TRABD2A: variants seen among roughly 807,000 people sequenced by gnomAD.
TRABD2A encodes TraB domain containing 2A.
TRABD2A carries 43 observed loss-of-function variants against 45.6 expected under a neutral mutation model. The observed-to-expected ratio is 0.94, with a 90% CI of 0.74 to 1.22. The LOEUF (loss-of-function observed/expected upper bound fraction) is 1.22, where lower values mean the gene tolerates loss of function less well. TRABD2A is among the 50% of genes most tolerant of loss of function. The pLI, the probability that TRABD2A is intolerant of heterozygous loss-of-function variation, is 0.00. For missense variants in TRABD2A, 642 were observed against 652.4 expected, an observed-to-expected ratio of 0.98 and a Z score of 0.17; for synonymous variants, 269 against 265.0, an observed-to-expected ratio of 1.02 and a Z score of -0.15.
chr2:84,823,591 G>A (rs965917616), intron 6 of TRABD2A, among the ~76,000 whole-genome samples: 1 of 152,072 alleles, frequency 6.6e-6, no homozygotes, highest in East Asian at 1.9e-4. Flanking sequence ...CATTCCTACC[G>A]AGCTGCTTCC....
chr2:84,877,763 C>T (rs1419738987), intron 1 of TRABD2A, among the ~76,000 whole-genome samples: 5 of 152,210 alleles, frequency 3.3e-5, no homozygotes, highest in East Asian at 1.9e-4. Flanking sequence ...AAGCTAACTC[C>T]GTAACACCCA....
intron 5 of TRABD2A, among the ~76,000 whole-genome samples, chr2:84,829,747 C>A (rs1159504117): frequency 2.0e-5 from 3 of 149,956 alleles, no homozygotes; most frequent in African/African-American, 7.4e-5. Flanking sequence ...CATGCACACA[C>A]CAGCCATGTT....
rs560013197 is a variant in TRABD2A at position 84,841,001 on chromosome 2, C to T, written c.816+860G>A. The stretch of plus-strand genomic sequence containing the variant: ...ACATGTCTCCTTATGGTTGGGTCCC[C>T]AGATTTAACATAGACCTGTACAGCA... On this transcript the variant is annotated intron_variant, in intron 3 of 6. Transcript: ENST00000409520. 3.1e-4 allele frequency among the ~76,000 whole-genome samples: 47 copies of T among 152,184 alleles called. 1 individual carries two copies. Among genetic ancestry groups the T allele is most frequent in the Non-Finnish European group, 5.9e-4 (40 of 68,026 alleles).
chr2:84,843,276 A>G (rs1681772255), intron 2 of TRABD2A, among the ~76,000 whole-genome samples: 1 of 152,094 alleles, frequency 6.6e-6, no homozygotes, highest in Non-Finnish European at 1.5e-5. Context: ...GGCTTGGTCC[A>G]TCTGTGTTGC....
At chr2:84,827,952 G>A (rs1413365778) in intron 5 of TRABD2A, among the ~76,000 whole-genome samples, 1 of 152,212 alleles carries the variant, frequency 6.6e-6, no homozygotes, top group Non-Finnish European at 1.5e-5. Flanking sequence ...AGTGAGACCT[G>A]TGTCAGACTT....
At chr2:84,848,936 C>T (rs1021516574) in intron 2 of TRABD2A, among the ~76,000 whole-genome samples, 8 of 151,962 alleles carry the variant, frequency 5.3e-5, no homozygotes, top group African/African-American at 1.7e-4. Flanking sequence ...GTCTGGTGAA[C>T]GAGTAGCCTT....
Position 84,824,179 on chromosome 2 carries a change from G to C in TRABD2A, c.1108C>G (p.Arg370Gly). The stretch of plus-strand genomic sequence containing the variant: ...GCAAAGATGGTGGACAGAGTGGGCC[G>C]TGTGGAGGTCTTTTTACTCTTCCCT... ...HKGKSKKTSTRPTLSTIFAPK... is the reference protein window; with the variant it reads ...HKGKSKKTSTGPTLSTIFAPK... The change falls in exon 6 of 7, where the codon CGG (arginine) becomes GGG (glycine). Residue 370 changes from arginine to glycine, a missense_variant. Transcript: ENST00000409520. The C allele has an allele frequency of 6.2e-7, 1 of 1,613,936 alleles. No homozygotes were observed. The highest frequency in any genetic ancestry group is 1.7e-4 in the Middle Eastern group (1 of 6,058).
At chr2:84,847,284 A>G (rs111296607) in intron 2 of TRABD2A, among the ~76,000 whole-genome samples, 58 of 152,370 alleles carry the variant, frequency 3.8e-4, no homozygotes, top group African/African-American at 1.3e-3. Context: ...CTCTGATAGA[A>G]CTAATGACTG....
chr2:84,871,923 C>G (rs746109100), intron 1 of TRABD2A, among the ~76,000 whole-genome samples: 3 of 152,186 alleles, frequency 2.0e-5, no homozygotes, highest in Admixed American at 6.5e-5. Flanking sequence ...TCTCACAAAG[C>G]CTTCAGTTTC....
Position 84,841,843 on chromosome 2 carries a change from G to A in TRABD2A, c.816+18C>T. 1 of 1,501,352 alleles carries A rather than the reference G, an allele frequency of 6.7e-7. No homozygotes were observed. The highest frequency in any genetic ancestry group is 8.9e-7 in the Non-Finnish European group (1 of 1,127,006). The allele number at this position is 1,501,352 out of a possible 1,614,324, so 93.0% of individuals were successfully genotyped here. ...AATTAAATGTGTGCTGAGCTTGGCA[G>A]GGGGAAAGGGTGCTCACCTGGGAGC... On this transcript the variant is annotated intron_variant, in intron 3 of 6. Transcript: ENST00000409520.
At chr2:84,850,832 G>A (rs1331203192) in intron 2 of TRABD2A, 2 of 152,180 alleles carry the variant, frequency 1.3e-5, no homozygotes, top group Non-Finnish European at 2.9e-5. Context: ...TGGTAACAGT[G>A]GCCATGGCTT....
At chr2:84,854,813 C>T (rs1682218653) in intron 2 of TRABD2A, among the ~76,000 whole-genome samples, 2 of 152,206 alleles carry the variant, frequency 1.3e-5, no homozygotes, top group African/African-American at 2.4e-5. Context: ...ATTCACCCTT[C>T]CTGTCCTGTT....
chr2:84,845,568 G>A (rs899999313), intron 2 of TRABD2A, among the ~76,000 whole-genome samples: 1 of 145,612 alleles, frequency 6.9e-6, no homozygotes, highest in Admixed American at 6.7e-5. Flanking sequence ...GGGAGACAAG[G>A]GCGGGGGAAG....
rs115187463 is a variant in TRABD2A at position 84,871,448 on chromosome 2, A to T, written c.109-663T>A. Among the ~76,000 whole-genome samples the T allele has an allele frequency of 8.5e-3, 1,286 of 151,710 alleles. 14 individuals are homozygous for T. Among genetic ancestry groups the T allele is most frequent in the African/African-American group, 0.03 (1,243 of 41,336 alleles). On this transcript the variant is annotated intron_variant, in intron 1 of 6. Coordinates refer to ENST00000409520, the MANE Select transcript of TRABD2A (RefSeq NM_001277053.2). ...GCCTGGGTCCCACCCCAGACCAATCACATCAGAATCTCTGGAGGTGGAACT... is the reference window on the plus strand; with the variant it reads ...GCCTGGGTCCCACCCCAGACCAATCTCATCAGAATCTCTGGAGGTGGAACT...
At chr2:84,835,730 C>T (rs1238804049) in intron 4 of TRABD2A, among the ~76,000 whole-genome samples, 1 of 152,156 alleles carries the variant, frequency 6.6e-6, no homozygotes, top group East Asian at 1.9e-4. Flanking sequence ...GGCCTTCTTC[C>T]TGAGTCTTTA....
chr2:84,830,578 A>G lies in TRABD2A; in HGVS notation c.1082+1477T>C, dbSNP rs1681298511. On this transcript the variant is annotated intron_variant, in intron 5 of 6. Transcript: ENST00000409520. This position sits in a 1 kb window ranked among gnomAD's most constrained non-coding sequence, Gnocchi z 4.9. ...GTGGCCATGGAAATGGAGAAGGACAAATCCCAGCGAGTCTTTAGTGGAGGA... is the reference window on the plus strand; with the variant it reads ...GTGGCCATGGAAATGGAGAAGGACAGATCCCAGCGAGTCTTTAGTGGAGGA... Among the ~76,000 whole-genome samples the G allele has an allele frequency of 1.3e-5, 2 of 152,186 alleles. No homozygotes were observed. The highest frequency in any genetic ancestry group is 2.9e-5 in the Non-Finnish European group (2 of 68,036).
chr2:84,846,312 G>C (rs1681894515), intron 2 of TRABD2A, among the ~76,000 whole-genome samples: 1 of 152,144 alleles, frequency 6.6e-6, no homozygotes, highest in South Asian at 2.1e-4. Context: ...CTGCTGCAAT[G>C]ATCCAAATAA....
At chr2:84,869,973 CA>C (rs36090318) in intron 2 of TRABD2A, among the ~76,000 whole-genome samples, 2,481 of 76,388 alleles carry the variant, frequency 0.032, 32 homozygotes, top group African/African-American at 0.079. Context: ...GACTCTGTCC[CA>C]AAAAAAAAAA....
chr2:84,823,803 G>A, intron 6 of TRABD2A, 150 bp downstream of exon 6: 3 of 1,080,016 alleles, frequency 2.8e-6, no homozygotes, highest in South Asian at 3.4e-5. Context: ...TTCTGTCACA[G>A]TGGACAGAAA....
Sources: allele counts gnomAD v4.1 joint callset (sites outside exome capture counted in the v4.1 genomes callset), GRCh38; gene constraint gnomAD v4.1.1; non-coding constraint Gnocchi (gnomAD v3.1); transcripts MANE v1.5; gene names NCBI Gene and HGNC (gene_info 2026-07-23, HGNC 2026-07-21).